ANK1: variants seen among roughly 807,000 people sequenced by gnomAD.
The protein encoded by ANK1 is ankyrin 1.
In ANK1, 51 loss-of-function variants were observed where a neutral mutation model predicts 210.4. The ratio of observed to expected loss-of-function variants is 0.24; its 90% CI spans 0.19 to 0.31. ANK1 has a LOEUF of 0.31. Ranked by LOEUF, ANK1 falls within the 10% of genes least tolerant of loss-of-function variation. The pLI is 1.00. For synonymous variants in ANK1, 967 were observed against 1,025.9 expected (o/e 0.94, Z 1.10); for missense variants, 2,051 against 2,504.4 (o/e 0.82, Z 3.86).
intron 1 of ANK1, among the ~76,000 whole-genome samples, chr8:41,805,521 A>G (rs984191418): frequency 6.6e-6 from 1 of 152,050 alleles, no homozygotes; most frequent in Admixed American, 6.6e-5. Flanking sequence ...TACTAAGATT[A>G]CAAGCATGAG....
chr8:41,884,202 G>C (rs1186226791), intron 1 of ANK1, among the ~76,000 whole-genome samples: 1 of 152,032 alleles, frequency 6.6e-6, no homozygotes, highest in Non-Finnish European at 1.5e-5. Flanking sequence ...TAAAACATGA[G>C]CCGGGCATGG....
intron 1 of ANK1, among the ~76,000 whole-genome samples, chr8:41,823,062 T>C (rs1284415658): frequency 2.6e-5 from 4 of 152,218 alleles, no homozygotes; most frequent in African/African-American, 9.6e-5. Flanking sequence ...TTCTGCAATA[T>C]GGGCAGAGGA....
intron 1 of ANK1, among the ~76,000 whole-genome samples, chr8:41,759,652 C>T (rs1167617149): frequency 6.6e-6 from 1 of 152,128 alleles, no homozygotes; most frequent in African/African-American, 2.4e-5. Context: ...TATATGCAAA[C>T]ACTATATCAC....
intron 1 of ANK1, among the ~76,000 whole-genome samples, chr8:41,827,694 ACACACACT>A (rs1805637625): frequency 6.7e-5 from 1 of 14,948 alleles, no homozygotes; most frequent in East Asian, 4.0e-4. Flanking sequence ...ATACACACTC[ACACACACT>A]CACACGCACA....
At chr8:41,669,678 CACAT>C (rs1811645778) in intron 38 of ANK1, among the ~76,000 whole-genome samples, 1 of 152,160 alleles carries the variant, frequency 6.6e-6, no homozygotes, top group South Asian at 2.1e-4. Context: ...TCTCTTACCC[CACAT>C]TGTATTTGTT....
At chr8:41,796,728 C>T (rs185851280) in intron 1 of ANK1, among the ~76,000 whole-genome samples, 1 of 151,642 alleles carries the variant, frequency 6.6e-6, no homozygotes, top group African/African-American at 2.4e-5. Flanking sequence ...TGTGTGTGGC[C>T]TGATGTCCAA....
chr8:41,696,849 TG>T (rs1226493732), intron 24 of ANK1, 76 bp from the exon 25 acceptor site: 2 of 1,379,904 alleles, frequency 1.4e-6, no homozygotes, highest in Non-Finnish European at 2.0e-6. Flanking sequence ...CGTGGAGGCT[TG>T]GAAGAACCTT....
intron 1 of ANK1, among the ~76,000 whole-genome samples, chr8:41,869,996 G>A (rs1815169316): frequency 6.6e-6 from 1 of 152,096 alleles, no homozygotes; most frequent in African/African-American, 2.4e-5. Flanking sequence ...CCTACCCCTG[G>A]AGAATCCAAT....
rs1229086872 is a variant in ANK1, at chr8:41,896,412, C to G, written c.69G>C (p.Lys23Asn). 3 of 1,604,558 alleles carry G rather than the reference C, an allele frequency of 1.9e-6. No homozygotes were observed. The highest frequency in any genetic ancestry group is 2.6e-6 in the Non-Finnish European group (3 of 1,175,680). Residue 23 changes from lysine (K) to asparagine (N), a missense_variant, in exon 1 of 43, where the codon AAG becomes AAC. Coordinates refer to the ANK1 transcript ENST00000265709. ...GCTTCCTGTTGGATTCCTCCTTCTC[C>G]TTCTGCTCCTGGAGGGCCTGCGCCT... is the stretch of plus-strand genomic sequence containing the variant.
intron 16 of ANK1, among the ~76,000 whole-genome samples, chr8:41,710,354 G>T (rs751274040): frequency 6.6e-6 from 1 of 152,192 alleles, no homozygotes; most frequent in African/African-American, 2.4e-5. Flanking sequence ...CTAATGTCAC[G>T]TAGTAAGCAG....
At chr8:41,727,426 C>T (rs1254056590) in intron 4 of ANK1, 78 bp from the exon 5 acceptor site, 3 of 1,008,414 alleles carry the variant, frequency 3.0e-6, no homozygotes, top group Non-Finnish European at 4.7e-6. Flanking sequence ...GTCCTCTCAC[C>T]TGGAGGACAG....
chr8:41,656,043 G>C (rs1203077909), intron 42 of ANK1, among the ~76,000 whole-genome samples: 1 of 152,232 alleles, frequency 6.6e-6, no homozygotes, highest in Non-Finnish European at 1.5e-5. Flanking sequence ...CTCTGTATGG[G>C]CCAAGGAGAG....
chr8:41,691,282 C>G (rs73617337), intron 31 of ANK1, among the ~76,000 whole-genome samples: 12,040 of 152,200 alleles, frequency 0.079, 1,420 homozygotes, highest in African/African-American at 0.26. Flanking sequence ...TTGTTCATGA[C>G]AAGAGCTGGA....
At chr8:41,861,096 G>A (rs1175239636) in intron 1 of ANK1, among the ~76,000 whole-genome samples, 5 of 152,216 alleles carry the variant, frequency 3.3e-5, no homozygotes, top group Non-Finnish European at 5.9e-5. Context: ...TGTGGCTGAG[G>A]ATGAGGGCTG....
At chr8:41,702,702 G>A (rs1823198591) in intron 20 of ANK1, among the ~76,000 whole-genome samples, 1 of 152,198 alleles carries the variant, frequency 6.6e-6, no homozygotes, top group Non-Finnish European at 1.5e-5. Flanking sequence ...GATCATAAAT[G>A]GATACTGAGG....
chr8:41,658,093 A>C (rs1055738986), intron 42 of ANK1, among the ~76,000 whole-genome samples: 15 of 152,236 alleles, frequency 9.9e-5, no homozygotes, highest in Admixed American at 3.9e-4. Flanking sequence ...CACATTGCCC[A>C]GGCTCATCTC....
chr8:41,696,106 T>C (rs1820852860), intron 26 of ANK1, among the ~76,000 whole-genome samples: 1 of 152,168 alleles, frequency 6.6e-6, no homozygotes, highest in Non-Finnish European at 1.5e-5. Flanking sequence ...TCCAGGCTGG[T>C]CTCGAACTCC....
Position 41,686,159 on chromosome 8 carries a change from G to A in ANK1, c.4383C>T (p.Asn1461=), listed in dbSNP as rs753249013. 1.2e-5 allele frequency: 19 copies of A among 1,614,224 alleles called. No individual in the cohort carries two copies. In the Middle Eastern group the frequency reaches 6.6e-4, roughly 56 times the overall value. ...LNLWVIREGQ[N]ANMENLYTAL... ...CAGTGGGACGGTACTGACTGTTTGC[G>A]TTTTGGCCTTCACGGATGACCCAGA... Residue 1461 remains asparagine, a synonymous_variant, in exon 36 of 43, where the codon AAC becomes AAT. Transcript: ENST00000289734.
At chr8:41,850,956 G>A (rs1587417339) in intron 1 of ANK1, among the ~76,000 whole-genome samples, 1 of 152,240 alleles carries the variant, frequency 6.6e-6, no homozygotes. Context: ...GAGGCGGGGT[G>A]AGTCAACACC....
Sources: allele counts gnomAD v4.1 joint callset (sites outside exome capture counted in the v4.1 genomes callset), GRCh38; gene constraint gnomAD v4.1.1; transcripts MANE v1.5; gene names NCBI Gene and HGNC (gene_info 2026-07-23, HGNC 2026-07-21).